CDYL: variants seen among roughly 807,000 people sequenced by gnomAD.
The protein encoded by CDYL is chromodomain Y-like protein.
In CDYL, 8 loss-of-function variants were observed where a neutral mutation model predicts 47.3. That is an observed-to-expected ratio of 0.17 (90% confidence interval 0.10 to 0.31). The LOEUF (loss-of-function observed/expected upper bound fraction) is 0.31, where lower values mean the gene tolerates loss of function less well. Among genes scored for constraint, CDYL ranks in the 10% least tolerant of loss-of-function variants. CDYL has a pLI of 1.00. For synonymous variants in CDYL, 266 were observed against 265.0 expected, an observed-to-expected ratio of 1.00 and a Z score of -0.04; for missense variants, 471 against 701.4, an observed-to-expected ratio of 0.67 and a Z score of 3.71.
intron 1 of CDYL, among the ~76,000 whole-genome samples, chr6:4,794,234 G>A (rs1398850225): frequency 1.3e-5 from 2 of 152,118 alleles, no homozygotes; most frequent in Admixed American, 6.6e-5. Flanking sequence ...GAGAAGAGAC[G>A]TGGCCAGAGG....
chr6:4,919,001 C>T (rs1757634143), intron 2 of CDYL, among the ~76,000 whole-genome samples: 1 of 152,290 alleles, frequency 6.6e-6, no homozygotes, highest in African/African-American at 2.4e-5. Flanking sequence ...AACCTTCAGA[C>T]GTGGGCAAAG....
At chr6:4,778,716 A>C (rs1758535008) in intron 1 of CDYL, among the ~76,000 whole-genome samples, 1 of 152,122 alleles carries the variant, frequency 6.6e-6, no homozygotes, top group South Asian at 2.1e-4. Flanking sequence ...TCAGGTGATA[A>C]ATTTAAGTAT....
chr6:4,838,695 T>TC (rs1760397171), intron 1 of CDYL, among the ~76,000 whole-genome samples: 1 of 148,612 alleles, frequency 6.7e-6, no homozygotes, highest in African/African-American at 2.5e-5. Context: ...TTTAGTTCCT[T>TC]TTTTTTTTTG....
chr6:4,716,923 C>T (rs555788723), intron 2 of CDYL, among the ~76,000 whole-genome samples: 1 of 151,956 alleles, frequency 6.6e-6, no homozygotes, highest in Non-Finnish European at 1.5e-5. Flanking sequence ...GAAATAGGCA[C>T]CCCAGAGAGG....
chr6:4,932,101 G>T lies in CDYL; in HGVS notation c.692-3414G>T, dbSNP rs187087496. On this transcript the variant is annotated intron_variant, in intron 2 of 6. Coordinates refer to ENST00000397588, the MANE Select transcript of CDYL (RefSeq NM_004824.4). ...CAGTGAAAGCAAGAGCATTCCAGAG[G>T]TGGGGAGAGTGGACCTGAAGCCAGC... Among the ~76,000 whole-genome samples the T allele has an allele frequency of 1.1e-3, 171 of 152,280 alleles. 1 individual carries two copies. The highest frequency in any genetic ancestry group is 4.0e-3 in the African/African-American group (166 of 41,534).
At chr6:4,931,814 T>G (rs1456386710) in intron 2 of CDYL, among the ~76,000 whole-genome samples, 1 of 152,218 alleles carries the variant, frequency 6.6e-6, no homozygotes, top group Non-Finnish European at 1.5e-5. Flanking sequence ...AACACAGTTT[T>G]AACTCAGGAG....
chr6:4,920,896 G>A (rs1271996814), intron 2 of CDYL, among the ~76,000 whole-genome samples: 2 of 152,190 alleles, frequency 1.3e-5, no homozygotes, highest in South Asian at 2.1e-4. Context: ...GATTAGAGGC[G>A]TCAGCCACTG....
At chr6:4,797,459 C>T (rs560933042) in intron 1 of CDYL, among the ~76,000 whole-genome samples, 16 of 150,530 alleles carry the variant, frequency 1.1e-4, no homozygotes, top group African/African-American at 3.2e-4. Flanking sequence ...GTTCACATAC[C>T]GTAGAATTTC....
intron 1 of CDYL, among the ~76,000 whole-genome samples, chr6:4,862,463 A>C (rs766757417): frequency 1.1e-4 from 16 of 152,170 alleles, no homozygotes; most frequent in Non-Finnish European, 2.4e-4. Flanking sequence ...GAGCCTTATA[A>C]ACATAAAACC....
rs140665535 is a variant in CDYL at position 4,708,854 on chromosome 6, A to G, written c.-39+2603A>G. On this transcript the variant is annotated intron_variant, in intron 1 of 8. Coordinates refer to the CDYL transcript ENST00000328908. ...GCCAACATGGCAAAATCCCATCTCT[A>G]TTAAAAATACAAAAATTGGCATGTG... is the stretch of plus-strand genomic sequence containing the variant. Among the ~76,000 whole-genome samples the G allele has an allele frequency of 6.7e-4, 102 of 152,150 alleles. 1 individual carries two copies. In the Middle Eastern group the frequency reaches 0.014, roughly 20 times the overall value.
intron 1 of CDYL, among the ~76,000 whole-genome samples, chr6:4,865,603 A>T (rs943166972): frequency 1.3e-5 from 2 of 152,264 alleles, no homozygotes; most frequent in African/African-American, 4.8e-5. Flanking sequence ...AAATACAGGT[A>T]AAATGTGTTT....
At chr6:4,723,826 T>C (rs943036986) in intron 2 of CDYL, among the ~76,000 whole-genome samples, 2 of 152,230 alleles carry the variant, frequency 1.3e-5, no homozygotes, top group Admixed American at 6.5e-5. Flanking sequence ...AGGCACATAC[T>C]GAGACAACTC....
rs370837190 is a variant in CDYL, at chr6:4,915,993, C to T, written c.692-19522C>T. Among the ~76,000 whole-genome samples, 35 of 152,358 alleles carry T rather than the reference C, an allele frequency of 2.3e-4. No individual in the cohort carries two copies. The South Asian group carries it at 3.1e-3, about 14-fold the overall frequency. On this transcript the variant is annotated intron_variant, in intron 2 of 6. Transcript: ENST00000397588. ...TTGCCAGTTAGGAAATCTTTGGATC[C>T]ACCCATGACCTGGAAGCCTCCCCAC... is the stretch of plus-strand genomic sequence containing the variant.
At chr6:4,886,681 C>G (rs1761908588) in intron 1 of CDYL, among the ~76,000 whole-genome samples, 1 of 151,832 alleles carries the variant, frequency 6.6e-6, no homozygotes, top group Non-Finnish European at 1.5e-5. Context: ...TTGGTGGTAT[C>G]CTTTGAAGCA....
At position 4,846,171 on chromosome 6, in the gene CDYL, G is replaced by A. The variant is rs140275188; in HGVS notation, c.25-45542G>A. ...GCACCTAAGAATTAGTTGTCTTTGG[G>A]TACTGCCTTCTTAAAAAAAAAAAAA... On this transcript the variant is annotated intron_variant, in intron 1 of 6. Coordinates refer to ENST00000397588, the MANE Select transcript of CDYL (RefSeq NM_004824.4). Among the ~76,000 whole-genome samples, 3 of 150,288 alleles carry A rather than the reference G, an allele frequency of 2.0e-5. No individual in the cohort carries two copies. In the East Asian group the frequency reaches 5.8e-4, roughly 29 times the overall value.
chr6:4,822,657 A>G (rs1047005935), intron 1 of CDYL, among the ~76,000 whole-genome samples: 14 of 152,220 alleles, frequency 9.2e-5, no homozygotes, highest in African/African-American at 3.1e-4. Context: ...GTATCCAGAC[A>G]GTGGGATAAG....
intron 1 of CDYL, among the ~76,000 whole-genome samples, chr6:4,833,200 G>T (rs1466486976): frequency 6.9e-6 from 1 of 145,276 alleles, no homozygotes; most frequent in Non-Finnish European, 1.5e-5. Context: ...GCTTTCTCTT[G>T]TGGGCATTTA....
intron 1 of CDYL, among the ~76,000 whole-genome samples, chr6:4,707,267 T>C (rs973167691): frequency 7.9e-5 from 12 of 152,202 alleles, no homozygotes; most frequent in Admixed American, 3.3e-4. Flanking sequence ...TGTAATTCAA[T>C]GCCAAGTCTG....
intron 1 of CDYL, 66 bp downstream of exon 1, chr6:4,776,873 G>T: frequency 1.4e-6 from 1 of 733,394 alleles, no homozygotes; most frequent in African/African-American, 2.0e-5. Flanking sequence ...CGGCCGCGCC[G>T]CCCGACGGCC....
Sources: gnomAD v4.1 joint callset for allele counts (sites outside exome capture counted in the v4.1 genomes callset) on GRCh38, gnomAD v4.1.1 for gene constraint, MANE v1.5 for transcripts, NCBI Gene and HGNC (gene_info 2026-07-23, HGNC 2026-07-21) for gene names.